Variants in SENP7 observed in about 807,000 individuals in gnomAD.
SENP7 encodes SUMO specific peptidase 7, also known as sentrin-specific protease 7.
A neutral mutation model predicts 141.2 loss-of-function variants in SENP7; 64 were observed. The ratio of observed to expected loss-of-function variants is 0.45; its 90% CI spans 0.37 to 0.56. SENP7 has a LOEUF of 0.56. Ranked by LOEUF, SENP7 falls within the 20% of genes least tolerant of loss-of-function variation. The pLI is 0.00. For synonymous variants in SENP7, 382 were observed against 426.4 expected (o/e 0.90, Z 1.28); for missense variants, 1,025 against 1,212.2 (o/e 0.85, Z 2.29).
chr3:101,328,579 C>T, intron 21 of SENP7, 33 bp from the exon 22 acceptor site: 3 of 1,600,888 alleles, frequency 1.9e-6, no homozygotes, highest in African/African-American at 1.3e-5. Context: ...TCAAGATTTA[C>T]ATACTTGTAT....
intron 3 of SENP7, among the ~76,000 whole-genome samples, chr3:101,469,562 C>T (rs1231706255): frequency 8.4e-6 from 1 of 119,716 alleles, no homozygotes; most frequent in Non-Finnish European, 1.8e-5. Context: ...CGATGGCTCA[C>T]GCCTGTAATC....
At chr3:101,489,261 T>C (rs544602229) in intron 3 of SENP7, among the ~76,000 whole-genome samples, 2 of 152,280 alleles carry the variant, frequency 1.3e-5, no homozygotes, top group Admixed American at 6.5e-5. Flanking sequence ...TACAGTCAAG[T>C]CTATACAACA....
intron 11 of SENP7, chr3:101,357,557 GA>G (rs1374266816): frequency 3.8e-6 from 5 of 1,312,796 alleles, no homozygotes; most frequent in African/African-American, 1.5e-5. Flanking sequence ...GAGAAGATAT[GA>G]AAAATGTGGA....
At chr3:101,406,298 C>G (rs1476927566) in intron 5 of SENP7, among the ~76,000 whole-genome samples, 1 of 152,122 alleles carries the variant, frequency 6.6e-6, no homozygotes, top group Non-Finnish European at 1.5e-5. Flanking sequence ...ACGGATGAAG[C>G]TGGAAACCAT....
intron 1 of SENP7, among the ~76,000 whole-genome samples, chr3:101,508,793 T>C (rs191921944): frequency 2.0e-5 from 3 of 152,288 alleles, no homozygotes; most frequent in African/African-American, 7.2e-5. Flanking sequence ...CTTGCTCTTG[T>C]AATGCTTGGC....
chr3:101,329,502 T>G (rs894346363), intron 20 of SENP7, among the ~76,000 whole-genome samples: 17 of 152,090 alleles, frequency 1.1e-4, no homozygotes, highest in African/African-American at 3.9e-4. Flanking sequence ...AAAAAATCAT[T>G]AAGTGGCAAT....
At chr3:101,462,976 A>C (rs1044192431) in intron 3 of SENP7, among the ~76,000 whole-genome samples, 1 of 152,228 alleles carries the variant, frequency 6.6e-6, no homozygotes, top group Non-Finnish European at 1.5e-5. Context: ...GAAATAAAAC[A>C]GCTACAGATT....
intron 23 of SENP7, among the ~76,000 whole-genome samples, chr3:101,327,375 G>A (rs1301700032): frequency 1.3e-5 from 2 of 152,030 alleles, no homozygotes; most frequent in African/African-American, 4.8e-5. Flanking sequence ...AACTTCTCAT[G>A]AGATCTGATG....
At chr3:101,481,558 G>T (rs1031363290) in intron 3 of SENP7, among the ~76,000 whole-genome samples, 1 of 152,118 alleles carries the variant, frequency 6.6e-6, no homozygotes, top group Non-Finnish European at 1.5e-5. Flanking sequence ...GATAGAAGGA[G>T]TAAGTTCTAA....
intron 14 of SENP7, among the ~76,000 whole-genome samples, chr3:101,342,018 AAAG>A (rs1230407445): frequency 6.6e-6 from 1 of 152,228 alleles, no homozygotes; most frequent in African/African-American, 2.4e-5. Context: ...CTACAGAATT[AAAG>A]AAGAATATAA....
chr3:101,451,789 T>C (rs1235855234), intron 4 of SENP7, among the ~76,000 whole-genome samples: 1 of 152,202 alleles, frequency 6.6e-6, no homozygotes, highest in Admixed American at 6.5e-5. Flanking sequence ...AGCATTCCCT[T>C]TGAAAACTGG....
intron 4 of SENP7, among the ~76,000 whole-genome samples, chr3:101,440,771 G>C (rs2062637499): frequency 6.6e-6 from 1 of 151,846 alleles, no homozygotes; most frequent in Non-Finnish European, 1.5e-5. Context: ...ACATCCTCAA[G>C]AAAACTGAAT....
At chr3:101,348,191 G>C (rs1184548517) in intron 12 of SENP7, 140 bp from the exon 13 acceptor site, 4 of 536,538 alleles carry the variant, frequency 7.5e-6, no homozygotes, top group Non-Finnish European at 9.0e-6. Context: ...TATATTTCCA[G>C]TGCACTTTGC....
chr3:101,350,663 G>A (rs1034692622), intron 12 of SENP7, among the ~76,000 whole-genome samples: 16 of 151,986 alleles, frequency 1.1e-4, no homozygotes, highest in African/African-American at 1.4e-4. Flanking sequence ...TGTTTGTATC[G>A]CAAGAATTTG....
intron 4 of SENP7, among the ~76,000 whole-genome samples, chr3:101,428,158 C>T (rs899737154): frequency 6.6e-6 from 1 of 152,184 alleles, no homozygotes; most frequent in Admixed American, 6.5e-5. Flanking sequence ...AATAAACATA[C>T]ATGTGCATGT....
intron 6 of SENP7, among the ~76,000 whole-genome samples, chr3:101,388,958 AG>A (rs2060735370): frequency 6.6e-6 from 1 of 152,070 alleles, no homozygotes; most frequent in South Asian, 2.1e-4. Context: ...AAAGAAAAAA[AG>A]AATTAAAAAA....
chr3:101,471,898 A>G (rs1297126301), intron 3 of SENP7, among the ~76,000 whole-genome samples: 1 of 152,248 alleles, frequency 6.6e-6, no homozygotes, highest in Non-Finnish European at 1.5e-5. Context: ...GACACATGAA[A>G]AAACACTCAT....
intron 2 of SENP7, among the ~76,000 whole-genome samples, chr3:101,494,924 T>C (rs991453776): frequency 6.6e-6 from 1 of 152,000 alleles, no homozygotes; most frequent in Non-Finnish European, 1.5e-5. Flanking sequence ...GCAATTGCGA[T>C]AAAAGCAAAA....
intron 5 of SENP7, among the ~76,000 whole-genome samples, chr3:101,399,909 A>G (rs1035179498): frequency 6.6e-6 from 1 of 152,228 alleles, no homozygotes; most frequent in African/African-American, 2.4e-5. Context: ...TACACGTGTG[A>G]GCCACTGCAT....
Sources: allele counts gnomAD v4.1 joint callset (sites outside exome capture counted in the v4.1 genomes callset), GRCh38; gene constraint gnomAD v4.1.1; transcripts MANE v1.5; gene names NCBI Gene and HGNC (gene_info 2026-07-23, HGNC 2026-07-21).